EDA: variants seen among roughly 807,000 people sequenced by gnomAD.
EDA encodes ectodysplasin-A.
A neutral mutation model predicts 23.6 loss-of-function variants in EDA; 2 were observed. The observed-to-expected ratio is 0.08, with a 90% CI of 0.03 to 0.27. The LOEUF is 0.27. Among genes scored for constraint, EDA ranks in the 10% least tolerant of loss-of-function variants. The probability of loss-of-function intolerance (pLI) is 1.00; values close to 1 mark genes in which losing one functional copy is unlikely to be tolerated. For missense variants in EDA, 229 were observed against 324.2 expected, an observed-to-expected ratio of 0.71 and a Z score of 2.26; for synonymous variants, 131 against 132.0, an observed-to-expected ratio of 0.99 and a Z score of 0.05.
chrX:69,821,069 A>G (rs749804685), intron 1 of EDA, among the ~76,000 whole-genome samples: 125 of 111,525 alleles, frequency 1.1e-3, no homozygotes, highest in Non-Finnish European at 2.1e-3. Context: ...AAAAGGAACA[A>G]GATCATGTCC....
At chrX:69,668,613 G>C (rs1361034098) in intron 1 of EDA, among the ~76,000 whole-genome samples, 1 of 111,059 alleles carries the variant, frequency 9.0e-6, no homozygotes, top group Non-Finnish European at 1.9e-5. Context: ...GTCTCACCCT[G>C]TCACCCAGGC....
Position 69,866,227 on chromosome X carries a change from G to C in EDA, c.397-90800G>C, listed in dbSNP as rs138248468. On this transcript the variant is annotated intron_variant, in intron 1 of 7. Coordinates refer to ENST00000374552, the MANE Select transcript of EDA (RefSeq NM_001399.5). Reference sequence around the variant, plus strand: ...CCATTGACCTTAATCACAAGGTATGGTAATGCTAAGAGACGCCCTAATGGA... The same window carrying C: ...CCATTGACCTTAATCACAAGGTATGCTAATGCTAAGAGACGCCCTAATGGA... Among the ~76,000 whole-genome samples the C allele has an allele frequency of 2.2e-4, 24 of 111,249 alleles. No individual in the cohort carries two copies. The East Asian group carries it at 2.6e-3, about 12-fold the overall frequency.
chrX:69,889,240 C>G (rs1192807367), intron 1 of EDA, among the ~76,000 whole-genome samples: 1 of 106,446 alleles, frequency 9.4e-6, no homozygotes. Flanking sequence ...TTTGACCTCC[C>G]GGGCTCAAGC....
At chrX:69,852,047 A>T (rs907784138) in intron 1 of EDA, among the ~76,000 whole-genome samples, 4 of 112,098 alleles carry the variant, frequency 3.6e-5, no homozygotes, top group Non-Finnish European at 7.5e-5. Context: ...CCTTAGTGGT[A>T]TTCTATCATT....
chrX:69,738,265 T>C (rs1248113097), intron 1 of EDA, among the ~76,000 whole-genome samples: 1 of 110,450 alleles, frequency 9.1e-6, no homozygotes, highest in East Asian at 2.9e-4. Context: ...AGTTTACTGA[T>C]CTTTTTCTGC....
intron 2 of EDA, among the ~76,000 whole-genome samples, chrX:70,020,149 A>G (rs1049268083): frequency 3.6e-5 from 4 of 112,149 alleles, no homozygotes; most frequent in African/African-American, 1.3e-4. Context: ...GTAACCATAT[A>G]GGAAAAGATT....
In EDA at chrX:69,981,086, T is replaced by C. The variant is rs368664632; in HGVS notation, c.502+23954T>C. Among the ~76,000 whole-genome samples, 3 of 111,525 alleles carry C rather than the reference T, an allele frequency of 2.7e-5. No individual in the cohort carries two copies. The East Asian group carries it at 8.5e-4, about 32-fold the overall frequency. ...TGTCTCTTGGTAGAAAAGCTTAAAGTGAATTTTTAAAGTGAAAGTTTAGAA... is the reference window on the plus strand; with the variant it reads ...TGTCTCTTGGTAGAAAAGCTTAAAGCGAATTTTTAAAGTGAAAGTTTAGAA... On this transcript the variant is annotated intron_variant, in intron 2 of 7. Coordinates refer to ENST00000374552, the MANE Select transcript of EDA (RefSeq NM_001399.5).
chrX:69,682,316 A>C (rs760742019), intron 1 of EDA, among the ~76,000 whole-genome samples: 1 of 112,673 alleles, frequency 8.9e-6, no homozygotes, highest in Admixed American at 9.3e-5. Flanking sequence ...CTACAGAGGC[A>C]GGCAGGCCTC....
intron 2 of EDA, among the ~76,000 whole-genome samples, chrX:69,976,825 CTT>C (rs911847203): frequency 6.4e-5 from 7 of 110,155 alleles, no homozygotes; most frequent in African/African-American, 2.3e-4. Flanking sequence ...GATCTTGAAA[CTT>C]TTCTTTTCAA....
At chrX:69,821,043 A>G (rs2016206827) in intron 1 of EDA, among the ~76,000 whole-genome samples, 2 of 111,700 alleles carry the variant, frequency 1.8e-5, no homozygotes, top group Non-Finnish European at 3.8e-5. Flanking sequence ...ACACCATGGA[A>G]TACTATGCAG....
intron 1 of EDA, among the ~76,000 whole-genome samples, chrX:69,759,668 A>G (rs1344848787): frequency 9.0e-6 from 1 of 111,557 alleles, no homozygotes; most frequent in Non-Finnish European, 1.9e-5. Context: ...ACAATATGGA[A>G]TGAGAACAAT....
intron 1 of EDA, among the ~76,000 whole-genome samples, chrX:69,869,696 C>A (rs1024186614): frequency 8.9e-6 from 1 of 111,933 alleles, no homozygotes; most frequent in Non-Finnish European, 1.9e-5. Context: ...GATTAATTAG[C>A]CAATGTCAGA....
chrX:69,659,914 A>G (rs1292380580), intron 1 of EDA, among the ~76,000 whole-genome samples: 1 of 111,138 alleles, frequency 9.0e-6, no homozygotes, highest in Non-Finnish European at 1.9e-5. Flanking sequence ...TGTATTTTTA[A>G]AAGTTCCCTA....
In EDA at chrX:69,672,881, CAA is replaced by C. The variant is rs746423731; in HGVS notation, c.396+56191_396+56192del. Among the ~76,000 whole-genome samples the C allele has an allele frequency of 1.8e-4, 13 of 70,602 alleles. No homozygotes were observed. The South Asian group carries it at 2.9e-3, about 16-fold the overall frequency. 61.3% of individuals were successfully genotyped at this position (70,602 alleles called of 115,157 possible). A position where few individuals can be genotyped will look rare whatever the true frequency, so the allele number is the denominator to read the frequency against. On this transcript the variant is annotated intron_variant, in intron 1 of 7. Coordinates refer to ENST00000374552, the MANE Select transcript of EDA (RefSeq NM_001399.5). ...TGGGCGACAGAGTGAGACAACGTCT[CAA>C]AAAAAAAAAAAAAGTGGCAGAAAGT...
intron 1 of EDA, among the ~76,000 whole-genome samples, chrX:69,698,260 G>A (rs376927479): frequency 6.3e-5 from 7 of 111,818 alleles, no homozygotes; most frequent in East Asian, 2.8e-4. Flanking sequence ...GGAGGAAGGA[G>A]TATCCTTGCG....
chrX:69,887,087 A>T (rs1341559520), intron 1 of EDA, among the ~76,000 whole-genome samples: 3 of 112,036 alleles, frequency 2.7e-5, no homozygotes, highest in Non-Finnish European at 5.6e-5. Flanking sequence ...AGATTCAAGG[A>T]AACATAGATA....
At chrX:69,738,130 G>T (rs1186177663) in intron 1 of EDA, among the ~76,000 whole-genome samples, 2 of 110,655 alleles carry the variant, frequency 1.8e-5, no homozygotes, top group Non-Finnish European at 3.8e-5. Context: ...TAAATTTTTG[G>T]TCATAATTTC....
At chrX:69,979,523 G>T (rs2019372161) in intron 2 of EDA, among the ~76,000 whole-genome samples, 1 of 111,429 alleles carries the variant, frequency 9.0e-6, no homozygotes, top group South Asian at 3.8e-4. Context: ...AGCAGATAAG[G>T]GTTCTAATTT....
chrX:69,979,792 G>T (rs2019377247), intron 2 of EDA, among the ~76,000 whole-genome samples: 1 of 111,519 alleles, frequency 9.0e-6, no homozygotes, highest in East Asian at 2.8e-4. Context: ...TCTCTTATAA[G>T]ATATATTATT....
Sources: gnomAD v4.1 joint callset for allele counts (sites outside exome capture counted in the v4.1 genomes callset) on GRCh38, gnomAD v4.1.1 for gene constraint, MANE v1.5 for transcripts, NCBI Gene and HGNC (gene_info 2026-07-23, HGNC 2026-07-21) for gene names.